CDC16: variants seen among roughly 807,000 people sequenced by gnomAD.
The protein encoded by CDC16 is cell division cycle protein 16 homolog.
Under a neutral mutation model 87.0 loss-of-function variants are expected in CDC16, and 34 were observed. That is an observed-to-expected ratio of 0.39 (90% CI 0.30 to 0.52). The LOEUF (loss-of-function observed/expected upper bound fraction) is 0.52, where lower values mean the gene tolerates loss of function less well. CDC16 is among the 20% of genes least tolerant of loss of function. CDC16 has a pLI of 0.74. For synonymous variants in CDC16, 263 were observed against 260.6 expected (o/e 1.01, Z -0.09); for missense variants, 653 against 751.9 (o/e 0.87, Z 1.54).
At chr13:114,262,054 G>T in intron 15 of CDC16, 106 bp downstream of exon 15, 3 of 619,212 alleles carry the variant, frequency 4.8e-6, no homozygotes, top group South Asian at 4.8e-5. Flanking sequence ...CAGCTTTCTT[G>T]TACTTGGCTG....
intron 17 of CDC16, among the ~76,000 whole-genome samples, chr13:114,267,393 C>T (rs1223412914): frequency 6.6e-6 from 1 of 151,974 alleles, no homozygotes; most frequent in Non-Finnish European, 1.5e-5. Flanking sequence ...CCCAGCTACT[C>T]AGGAGGCTGA....
intron 3 of CDC16, among the ~76,000 whole-genome samples, chr13:114,238,292 T>C (rs1345081691): frequency 2.0e-5 from 3 of 147,096 alleles, no homozygotes; most frequent in East Asian, 4.0e-4. Context: ...TGTGAGCTCC[T>C]CGGACGCCCA....
In CDC16 at chr13:114,243,931, T is replaced by G; in HGVS notation, c.709T>G (p.Leu237Val). The G allele has an allele frequency of 6.2e-7, 1 of 1,603,906 alleles. No homozygotes were observed. Among genetic ancestry groups the G allele is most frequent in the Non-Finnish European group, 8.5e-7 (1 of 1,170,830 alleles). Residue 237 changes from leucine to valine, a missense_variant, in exon 8 of 18, where the codon TTA becomes GTA. Leu to Val is a conservative substitution (Grantham distance 32). Transcript: ENST00000356221. ...LQENLDVVVS[L>V]AERHYYNCDF... ...AGAGAATCTGGATGTGGTAGTGTCT[T>G]TAGCTGAGAGACATTATTATAACTG... is the stretch of plus-strand genomic sequence containing the variant.
intron 3 of CDC16, among the ~76,000 whole-genome samples, chr13:114,238,318 C>T (rs4564451): frequency 1.4e-5 from 2 of 140,238 alleles, no homozygotes; most frequent in African/African-American, 5.5e-5. Flanking sequence ...TATTCACACT[C>T]AGGGCCTGAA....
Position 114,246,968 on chromosome 13 carries a change from T to C in CDC16, c.935T>C (p.Val312Ala). 6.2e-7 allele frequency: 1 copy of C among 1,613,416 alleles called. No homozygotes were observed. Among genetic ancestry groups the C allele is most frequent in the Non-Finnish European group, 8.5e-7 (1 of 1,179,402 alleles). Residue 312 changes from valine (V) to alanine (A), a missense_variant, in exon 11 of 18, where the codon GTC becomes GCC. Physicochemically the swap from Val to Ala is moderately conservative, Grantham distance 64. Transcript: ENST00000356221. ...GCAGTGGGATGTTACTATCTCATGG[T>C]CGGTCATAAAAATGAACATGCCAGA... ...WFAVGCYYLM[V>A]GHKNEHARRY...
chr13:114,259,737 T>C (rs2082724945), intron 14 of CDC16, among the ~76,000 whole-genome samples: 1 of 152,194 alleles, frequency 6.6e-6, no homozygotes, highest in Non-Finnish European at 1.5e-5. Flanking sequence ...GTAATATTCC[T>C]CTAGAACTTC....
intron 1 of CDC16, among the ~76,000 whole-genome samples, 195 bp downstream of exon 1, chr13:114,235,327 G>GC (rs2081192517): frequency 6.6e-6 from 1 of 152,168 alleles, no homozygotes; most frequent in African/African-American, 2.4e-5. Context: ...GAGGGGCACA[G>GC]CCCGGGGAGT....
rs909558802 is a variant in CDC16 at position 114,237,464 on chromosome 13, AT to A, written c.201+575del. Among the ~76,000 whole-genome samples the A allele has an allele frequency of 1.6e-4, 25 of 151,808 alleles. 1 individual carries two copies. Among genetic ancestry groups the A allele is most frequent in the Non-Finnish European group, 3.2e-4 (22 of 67,950 alleles). ...GCCACCACACCCAGCTAATTTTTAA[AT>A]TTTTTTGGTAGAGACAGAGCCTCAC... On this transcript the variant is annotated intron_variant, in intron 3 of 17. Transcript: ENST00000356221.
At chr13:114,239,901 T>C (rs190361049) in intron 5 of CDC16, among the ~76,000 whole-genome samples, 57 of 152,346 alleles carry the variant, frequency 3.7e-4, no homozygotes, top group Admixed American at 5.9e-4. Context: ...TATGTAATTG[T>C]GTATATTTCA....
intron 15 of CDC16, 74 bp downstream of exon 15, chr13:114,262,022 ATTC>A (rs1237083947): frequency 1.2e-5 from 11 of 891,176 alleles, no homozygotes; most frequent in Middle Eastern, 2.4e-4. Flanking sequence ...ACTTTGTCAT[ATTC>A]TTATTTCATG....
intron 8 of CDC16, 86 bp from the exon 9 acceptor site, chr13:114,244,804 C>G: frequency 1.3e-6 from 1 of 762,010 alleles, no homozygotes. Flanking sequence ...TATGTGATAC[C>G]ATAATGACTG....
chr13:114,240,496 A>G (rs1450114811), intron 5 of CDC16, among the ~76,000 whole-genome samples: 1 of 152,154 alleles, frequency 6.6e-6, no homozygotes, highest in African/African-American at 2.4e-5. Context: ...GGTGTGAGCC[A>G]CTGTGCCCGG....
At chr13:114,243,213 A>G (rs752689801) in intron 6 of CDC16, 44 bp from the exon 7 acceptor site, 14 of 894,830 alleles carry the variant, frequency 1.6e-5, no homozygotes, top group Admixed American at 9.5e-5. Flanking sequence ...TTTCCCCTCT[A>G]TAAATATTAT....
chr13:114,248,632 G>GA (rs1373856300), intron 11 of CDC16, among the ~76,000 whole-genome samples: 1 of 151,936 alleles, frequency 6.6e-6, no homozygotes, highest in African/African-American at 2.4e-5. Context: ...AGTGAGCTGA[G>GA]ATTGCACTAC....
At chr13:114,265,787 A>C (rs1594679540) in intron 17 of CDC16, among the ~76,000 whole-genome samples, 1 of 151,992 alleles carries the variant, frequency 6.6e-6, no homozygotes, top group East Asian at 1.9e-4. Flanking sequence ...GGAAAGTTGC[A>C]AGCTTGCTAA....
chr13:114,239,228 T>C (rs2081417293), intron 4 of CDC16, 122 bp from the exon 5 acceptor site: 2 of 1,463,212 alleles, frequency 1.4e-6, no homozygotes, highest in East Asian at 4.6e-5. Flanking sequence ...TGAAGAAAAT[T>C]CTACTTTAGA....
intron 1 of CDC16, among the ~76,000 whole-genome samples, chr13:114,236,383 A>G (rs1488508902): frequency 1.3e-5 from 2 of 152,160 alleles, no homozygotes; most frequent in Non-Finnish European, 2.9e-5. Flanking sequence ...ATACATTTTT[A>G]CAGTGTATGA....
intron 11 of CDC16, 193 bp downstream of exon 11, chr13:114,247,197 T>G: frequency 1.8e-6 from 1 of 568,312 alleles, no homozygotes; most frequent in South Asian, 2.1e-5. Context: ...CCCCTCTCTC[T>G]CGAGGGTTCT....
intron 6 of CDC16, among the ~76,000 whole-genome samples, chr13:114,242,983 C>T (rs372779420): frequency 6.6e-5 from 10 of 152,110 alleles, no homozygotes; most frequent in African/African-American, 1.9e-4. Flanking sequence ...GCAAGATCCA[C>T]GCAGTCAGGA....
Sources: gnomAD v4.1 joint callset for allele counts (sites outside exome capture counted in the v4.1 genomes callset) on GRCh38, gnomAD v4.1.1 for gene constraint, MANE v1.5 for transcripts, NCBI Gene and HGNC (gene_info 2026-07-23, HGNC 2026-07-21) for gene names.